CLYBL: variants seen among roughly 807,000 people sequenced by gnomAD.
CLYBL encodes the protein citramalyl-CoA lyase, mitochondrial.
A neutral mutation model predicts 38.9 loss-of-function variants in CLYBL; 31 were observed. That is an observed-to-expected ratio of 0.80 (90% CI 0.60 to 1.08). CLYBL has a LOEUF of 1.08. CLYBL is among the 50% of genes least tolerant of loss of function. The probability of loss-of-function intolerance (pLI) is 0.00; values close to 1 mark genes in which losing one functional copy is unlikely to be tolerated. For synonymous variants in CLYBL, 171 were observed against 158.6 expected, an observed-to-expected ratio of 1.08 and a Z score of -0.59; for missense variants, 434 against 411.6, an observed-to-expected ratio of 1.05 and a Z score of -0.47.
chr13:99,638,530 G>A (rs1446306739), intron 1 of CLYBL, among the ~76,000 whole-genome samples: 1 of 152,172 alleles, frequency 6.6e-6, no homozygotes, highest in Non-Finnish European at 1.5e-5. Flanking sequence ...ATTTCGCAGT[G>A]ATCAGAACAG....
chr13:99,878,781 C>G (rs956054528), intron 7 of CLYBL, among the ~76,000 whole-genome samples: 1 of 152,190 alleles, frequency 6.6e-6, no homozygotes, highest in East Asian at 1.9e-4. Flanking sequence ...TTCTACATAG[C>G]ATACTTGGCT....
chr13:99,881,647 G>A (rs1431544790), intron 7 of CLYBL, among the ~76,000 whole-genome samples: 1 of 148,890 alleles, frequency 6.7e-6, no homozygotes, highest in East Asian at 2.0e-4. Flanking sequence ...AGCTGGTCTC[G>A]AACTCCTGGG....
intron 2 of CLYBL, among the ~76,000 whole-genome samples, chr13:99,847,747 G>A (rs1449660487): frequency 6.6e-6 from 1 of 152,228 alleles, no homozygotes; most frequent in Non-Finnish European, 1.5e-5. Context: ...GAACTCTTGG[G>A]CAGGTGGAGT....
At chr13:99,818,278 T>G (rs1370737229) in intron 2 of CLYBL, among the ~76,000 whole-genome samples, 1 of 151,994 alleles carries the variant, frequency 6.6e-6, no homozygotes, top group Non-Finnish European at 1.5e-5. Context: ...AGCATGTGAG[T>G]AGAAAGGATG....
chr13:99,661,561 C>CT (rs1364123154), intron 1 of CLYBL, among the ~76,000 whole-genome samples: 1 of 151,998 alleles, frequency 6.6e-6, no homozygotes, highest in South Asian at 2.1e-4. Context: ...TTTAATATAA[C>CT]TTTTTTATTT....
intron 1 of CLYBL, among the ~76,000 whole-genome samples, chr13:99,613,945 C>T (rs902089276): frequency 6.6e-6 from 1 of 152,144 alleles, no homozygotes; most frequent in East Asian, 1.9e-4. Flanking sequence ...GCAGAGGGCC[C>T]AATCCTCTCA....
At chr13:99,615,994 C>G (rs966764829) in intron 1 of CLYBL, among the ~76,000 whole-genome samples, 1 of 152,088 alleles carries the variant, frequency 6.6e-6, no homozygotes, top group Non-Finnish European at 1.5e-5. Flanking sequence ...CCACCACGCA[C>G]AGCTAATTTT....
At chr13:99,688,912 T>C (rs1307492991) in intron 1 of CLYBL, among the ~76,000 whole-genome samples, 1 of 152,156 alleles carries the variant, frequency 6.6e-6, no homozygotes, top group African/African-American at 2.4e-5. Flanking sequence ...TTTCCTGAAA[T>C]TACTCAGCAC....
At chr13:99,620,006 T>C (rs1001552661) in intron 1 of CLYBL, among the ~76,000 whole-genome samples, 1 of 152,150 alleles carries the variant, frequency 6.6e-6, no homozygotes, top group African/African-American at 2.4e-5. Context: ...GAGATGTTTT[T>C]GGTTGTGTGG....
intron 2 of CLYBL, among the ~76,000 whole-genome samples, chr13:99,842,214 C>T (rs886649599): frequency 4.6e-5 from 7 of 152,084 alleles, no homozygotes; most frequent in African/African-American, 9.7e-5. Flanking sequence ...AGTAATAAAC[C>T]GAGGGGAATT....
chr13:99,608,061 C>CTT (rs56149363), intron 1 of CLYBL, among the ~76,000 whole-genome samples: 18 of 74,998 alleles, frequency 2.4e-4, no homozygotes, highest in East Asian at 1.1e-3. Context: ...TCTGGAACTT[C>CTT]TTTTTTTTTT....
chr13:99,836,992 A>G (rs1418727167), intron 2 of CLYBL, among the ~76,000 whole-genome samples: 2 of 152,116 alleles, frequency 1.3e-5, no homozygotes, highest in Non-Finnish European at 2.9e-5. Context: ...ATACATATGT[A>G]ACAAACCTGC....
At chr13:99,878,720 TAGATTTTGATAC>T (rs1267187549) in intron 7 of CLYBL, among the ~76,000 whole-genome samples, 1 of 152,204 alleles carries the variant, frequency 6.6e-6, no homozygotes, top group East Asian at 1.9e-4. Flanking sequence ...TTAACTCCCT[TAGATTTTGATAC>T]ACTTGTAAAT....
chr13:99,830,657 C>G (rs1325208183), intron 2 of CLYBL, among the ~76,000 whole-genome samples: 1 of 152,166 alleles, frequency 6.6e-6, no homozygotes, highest in Non-Finnish European at 1.5e-5. Context: ...TACCAAAGAC[C>G]TCAAATAGTC....
Position 99,869,727 on chromosome 13 carries a change from A to G in CLYBL, c.803-1211A>G, listed in dbSNP as rs1312840910. Among the ~76,000 whole-genome samples the G allele has an allele frequency of 6.6e-6, 1 of 152,152 alleles. No homozygotes were observed. Among genetic ancestry groups the G allele is most frequent in the Non-Finnish European group, 1.5e-5 (1 of 67,960 alleles). On this transcript the variant is annotated intron_variant, in intron 6 of 8. Transcript: ENST00000339105. The surrounding 1 kb of genome is among the most constrained non-coding windows in gnomAD (Gnocchi z 4.3). ...TTCTAATAGAATAATGACAATAGGAATTGACAGCAAGGATATAAAACATCA... is the reference window on the plus strand; with the variant it reads ...TTCTAATAGAATAATGACAATAGGAGTTGACAGCAAGGATATAAAACATCA...
At chr13:99,768,494 CTTTTTTTTTTTTTTT>C (rs779750350) in intron 1 of CLYBL, among the ~76,000 whole-genome samples, 3 of 84,892 alleles carry the variant, frequency 3.5e-5, no homozygotes, top group South Asian at 4.8e-4. Context: ...CGCCCGACCT[CTTTTTTTTTTTTTTT>C]TTTTTTTTTT....
intron 1 of CLYBL, among the ~76,000 whole-genome samples, chr13:99,633,234 A>G (rs1332789850): frequency 7.0e-5 from 10 of 143,876 alleles, no homozygotes; most frequent in African/African-American, 1.0e-4. Flanking sequence ...AAAAAAAAAA[A>G]AGAGAAGAGA....
At chr13:99,774,033 C>T (rs2049457204) in intron 2 of CLYBL, among the ~76,000 whole-genome samples, 1 of 151,166 alleles carries the variant, frequency 6.6e-6, no homozygotes, top group Non-Finnish European at 1.5e-5. Flanking sequence ...AGTTTGAGAC[C>T]AGTCTGGCCA....
rs115647754 is a variant in CLYBL, at chr13:99,908,896, T to C, written c.*1002T>C. ...TAAACAAATGGGAGGTGTTCTCCTT[T>C]ATATTGTGTTAGAGGCTGAGGATAT... On this transcript the variant is annotated 3_prime_UTR_variant and NMD_transcript_variant, in exon 10 of 10. Transcript: ENST00000689673. 2.5e-3 allele frequency among the ~76,000 whole-genome samples: 382 copies of C among 152,312 alleles called. 2 individuals carry two copies. Among genetic ancestry groups the C allele is most frequent in the African/African-American group, 8.8e-3 (365 of 41,564 alleles).
Sources: allele counts gnomAD v4.1 joint callset (sites outside exome capture counted in the v4.1 genomes callset), GRCh38; gene constraint gnomAD v4.1.1; non-coding constraint Gnocchi (gnomAD v3.1); transcripts MANE v1.5; gene names NCBI Gene and HGNC (gene_info 2026-07-23, HGNC 2026-07-21).